CENPL: variants seen among roughly 807,000 people sequenced by gnomAD.
CENPL encodes the protein interphase centromere complex protein 33.
Under a neutral mutation model 35.2 loss-of-function variants are expected in CENPL, and 20 were observed. The observed-to-expected ratio is 0.57, with a 90% CI of 0.40 to 0.83. The LOEUF (loss-of-function observed/expected upper bound fraction) is 0.83. Ranked by LOEUF, CENPL falls within the 40% of genes least tolerant of loss-of-function variation. The pLI is 0.00. For missense variants in CENPL, 363 were observed against 395.8 expected, an observed-to-expected ratio of 0.92 and a Z score of 0.70; for synonymous variants, 140 against 140.6, an observed-to-expected ratio of 1.00 and a Z score of 0.03.
At chr1:173,806,283 T>A (rs1343756217) in intron 4 of CENPL, among the ~76,000 whole-genome samples, 1 of 152,088 alleles carries the variant, frequency 6.6e-6, no homozygotes. Context: ...CAGGCATGAA[T>A]AATAAACAAA....
chr1:173,809,143 C>T (rs567745654), intron 3 of CENPL, among the ~76,000 whole-genome samples: 1 of 152,244 alleles, frequency 6.6e-6, no homozygotes, highest in South Asian at 2.1e-4. Context: ...GAGTTCGAGA[C>T]CAGCCTGGCC....
In CENPL at chr1:173,805,255, A is replaced by G. The variant is rs569748808; in HGVS notation, c.421-1750T>C. Reference sequence around the variant, plus strand: ...CCTTTATGGCTGGGCGAGATGGCTCATGCCTGCAATCTCAGGACTTTGGGA... The same window carrying G: ...CCTTTATGGCTGGGCGAGATGGCTCGTGCCTGCAATCTCAGGACTTTGGGA... On this transcript the variant is annotated intron_variant, in intron 4 of 5. Transcript: ENST00000682279. Among the ~76,000 whole-genome samples the G allele has an allele frequency of 5.9e-5, 9 of 152,316 alleles. No homozygotes were observed. The South Asian group carries it at 1.9e-3, about 32-fold the overall frequency.
intron 2 of CENPL, among the ~76,000 whole-genome samples, chr1:173,814,287 T>A (rs1651140758): frequency 6.6e-6 from 1 of 152,046 alleles, no homozygotes; most frequent in Admixed American, 6.6e-5. Context: ...GACAGAAGGT[T>A]AACAAGGATA....
chr1:173,819,376 C>T (rs1205642076), intron 2 of CENPL, among the ~76,000 whole-genome samples: 1 of 152,142 alleles, frequency 6.6e-6, no homozygotes, highest in South Asian at 2.1e-4. Context: ...GGATCACCTG[C>T]AGTCAGAAGT....
chr1:173,824,077 C>T (rs1347722771), intron 1 of CENPL, 58 bp from the exon 2 acceptor site: 1 of 152,094 alleles, frequency 6.6e-6, no homozygotes. Flanking sequence ...CCAGACTAAC[C>T]CCTGGCCCTC....
chr1:173,812,106 G>A (rs989404531), intron 2 of CENPL, among the ~76,000 whole-genome samples: 18 of 152,246 alleles, frequency 1.2e-4, no homozygotes, highest in East Asian at 1.9e-4. Context: ...CAGCAGCCTC[G>A]TGGTGGGGAG....
At chr1:173,817,894 T>C (rs1651562390) in intron 2 of CENPL, among the ~76,000 whole-genome samples, 1 of 152,124 alleles carries the variant, frequency 6.6e-6, no homozygotes, top group Non-Finnish European at 1.5e-5. Flanking sequence ...CTCAGCAAAC[T>C]ATCACAAGGA....
Position 173,824,621 on chromosome 1 carries a change from A to C in CENPL, c.-511T>G, listed in dbSNP as rs1457064175. ...GTAGGCATGGCGGCGGCACCTCACC[A>C]CTGATTCGTTGAATTCCTTCCCGGT... On this transcript the variant is annotated 5_prime_UTR_variant, in exon 1 of 6. Transcript: ENST00000682279. The C allele has an allele frequency of 1.9e-5, 3 of 159,416 alleles. No homozygotes were observed. Among genetic ancestry groups the C allele is most frequent in the Admixed American group, 1.2e-4 (2 of 16,482 alleles). The allele number at this position is 159,416 out of a possible 1,614,324, so 9.9% of individuals were successfully genotyped here.
At chr1:173,810,806 A>G (rs1414488835) in intron 3 of CENPL, among the ~76,000 whole-genome samples, 1 of 152,154 alleles carries the variant, frequency 6.6e-6, no homozygotes, top group Non-Finnish European at 1.5e-5. Flanking sequence ...CTGTAGTCCC[A>G]GCTACTGGGG....
chr1:173,817,365 A>G (rs1028907047), intron 2 of CENPL, among the ~76,000 whole-genome samples: 4 of 152,262 alleles, frequency 2.6e-5, no homozygotes, highest in Non-Finnish European at 5.9e-5. Flanking sequence ...GACACTTTTC[A>G]AAAGAAGACA....
chr1:173,810,912 G>A (rs1650752940), intron 3 of CENPL, among the ~76,000 whole-genome samples: 1 of 152,036 alleles, frequency 6.6e-6, no homozygotes, highest in Non-Finnish European at 1.5e-5. Context: ...GCAAGACTCT[G>A]TCTCAAAATA....
intron 2 of CENPL, among the ~76,000 whole-genome samples, chr1:173,813,167 G>A (rs1281392465): frequency 6.6e-6 from 1 of 152,170 alleles, no homozygotes; most frequent in African/African-American, 2.4e-5. Context: ...AAGAAATATG[G>A]GACTATGTGA....
At chr1:173,811,587 A>T (rs1296056111) in intron 2 of CENPL, among the ~76,000 whole-genome samples, 1 of 152,196 alleles carries the variant, frequency 6.6e-6, no homozygotes, top group East Asian at 1.9e-4. Flanking sequence ...AATTCCTGTC[A>T]ATTTGCTAAG....
rs1381654644 is a variant in CENPL at position 173,807,314 on chromosome 1, GGA to G, written c.371_372del (p.Leu124ProfsTer26). On this transcript the variant is annotated frameshift_variant, in exon 4 of 6. Coordinates refer to ENST00000682279, the MANE Select transcript of CENPL (RefSeq NM_001387287.1). LOFTEE classifies it high-confidence loss of function. ...DFNIKVIFST[L>X]LGMKGTQRDP... Reference sequence around the variant, plus strand: ...TCCCTTTGTGTTCCTTTCATTCCTAGGAGAGTAGAAAAAATCACTTTGATGTT... The same window carrying G: ...TCCCTTTGTGTTCCTTTCATTCCTAGGAGTAGAAAAAATCACTTTGATGTT... The G allele has an allele frequency of 6.2e-7, 1 of 1,613,298 alleles. No homozygotes were observed. The highest frequency in any genetic ancestry group is 1.1e-5 in the South Asian group (1 of 90,996).
intron 2 of CENPL, among the ~76,000 whole-genome samples, chr1:173,815,408 C>G (rs1651262400): frequency 6.6e-6 from 1 of 152,124 alleles, no homozygotes; most frequent in Non-Finnish European, 1.5e-5. Flanking sequence ...GACCAATATC[C>G]CTGATGAACA....
chr1:173,809,200 G>A (rs1302053634), intron 3 of CENPL, among the ~76,000 whole-genome samples: 1 of 151,984 alleles, frequency 6.6e-6, no homozygotes, highest in African/African-American at 2.4e-5. Context: ...AAAATTAGCT[G>A]GGCGTGGTGG....
intron 4 of CENPL, among the ~76,000 whole-genome samples, chr1:173,805,971 T>C (rs1650188666): frequency 6.6e-6 from 1 of 152,222 alleles, no homozygotes; most frequent in South Asian, 2.1e-4. Flanking sequence ...AGCAAATTTT[T>C]TCTGTAAAGG....
At chr1:173,807,685 C>T (rs144472870) in intron 3 of CENPL, among the ~76,000 whole-genome samples, 167 bp from the exon 4 acceptor site, 406 of 152,302 alleles carry the variant, frequency 2.7e-3, no homozygotes, top group Non-Finnish European at 4.4e-3. Context: ...CAGACCTTTA[C>T]CTTTGCTGTA....
chr1:173,801,283 GA>G (rs1649726135), intron 5 of CENPL, among the ~76,000 whole-genome samples: 1 of 151,530 alleles, frequency 6.6e-6, no homozygotes. Context: ...TTGGGAGGCC[GA>G]GGTGGGTGGA....
Sources: allele counts gnomAD v4.1 joint callset (sites outside exome capture counted in the v4.1 genomes callset), GRCh38; gene constraint gnomAD v4.1.1; transcripts MANE v1.5; gene names NCBI Gene and HGNC (gene_info 2026-07-23, HGNC 2026-07-21).